WDPCP: variants seen among roughly 807,000 people sequenced by gnomAD.
The protein encoded by WDPCP is WD repeat containing planar cell polarity effector, also known as WD repeat-containing and planar cell polarity effector protein fritz homolog.
Under a neutral mutation model 93.1 loss-of-function variants are expected in WDPCP, and 71 were observed. That is an observed-to-expected ratio of 0.76 (90% CI 0.63 to 0.93). The LOEUF is 0.93. Among genes scored for constraint, WDPCP ranks in the 40% least tolerant of loss-of-function variants. The pLI, the probability that WDPCP is intolerant of heterozygous loss-of-function variation, is 0.00. For synonymous variants in WDPCP, 315 were observed against 315.0 expected (o/e 1.00, Z 0.00); for missense variants, 844 against 887.4 (o/e 0.95, Z 0.62).
chr2:63,138,332 AT>A (rs1222907345), intron 17 of WDPCP, among the ~76,000 whole-genome samples: 1 of 152,054 alleles, frequency 6.6e-6, no homozygotes, highest in Non-Finnish European at 1.5e-5. Flanking sequence ...TCAGCAGTGT[AT>A]ACCAGTGCCC....
chr2:63,782,774 G>C (rs1429596095), intron 2 of WDPCP, among the ~76,000 whole-genome samples: 1 of 147,426 alleles, frequency 6.8e-6, no homozygotes, highest in Admixed American at 6.8e-5. Flanking sequence ...GTGTGTGTGT[G>C]TGTTTGTGTG....
chr2:63,490,616 G>A (rs1428256827), intron 2 of WDPCP, among the ~76,000 whole-genome samples: 1 of 152,182 alleles, frequency 6.6e-6, no homozygotes, highest in African/African-American at 2.4e-5. Flanking sequence ...GGTAGGCCCT[G>A]CAAAAATGCA....
At chr2:63,628,038 G>C (rs1469484211) in intron 3 of WDPCP, among the ~76,000 whole-genome samples, 1 of 152,178 alleles carries the variant, frequency 6.6e-6, no homozygotes, top group Non-Finnish European at 1.5e-5. Flanking sequence ...TCCCCAGACT[G>C]GATCCTGCCG....
intron 3 of WDPCP, among the ~76,000 whole-genome samples, chr2:63,601,992 A>G (rs1042466885): frequency 1.3e-5 from 2 of 152,226 alleles, no homozygotes; most frequent in Admixed American, 6.5e-5. Flanking sequence ...ACTCTACCCT[A>G]TCCCACAGGC....
In WDPCP at chr2:63,433,801, A is replaced by G. The variant is rs762730482; in HGVS notation, c.769T>C (p.Ser257Pro). ...DDAWPWAPIS[S>P]EKDRANLLLL... ...AGTAGATTGGCTCTGTCCTTCTCAG[A>G]AGAAATGGGGGCCCAAGGCCAAGCA... Residue 257 changes from serine (S) to proline (P), a missense_variant, in exon 9 of 18, where the codon TCT becomes CCT. Coordinates refer to ENST00000272321, the MANE Select transcript of WDPCP (RefSeq NM_015910.7). The G allele has an allele frequency of 6.2e-7, 1 of 1,612,344 alleles. No individual in the cohort carries two copies. Among genetic ancestry groups the G allele is most frequent in the East Asian group, 2.2e-5 (1 of 44,884 alleles).
At chr2:63,702,873 C>G (rs1669080963) in intron 2 of WDPCP, among the ~76,000 whole-genome samples, 1 of 151,762 alleles carries the variant, frequency 6.6e-6, no homozygotes, top group South Asian at 2.1e-4. Flanking sequence ...CCTCCCCTCT[C>G]CCCCCACCCC....
At chr2:63,450,034 G>C (rs999675730) in intron 6 of WDPCP, among the ~76,000 whole-genome samples, 1 of 152,154 alleles carries the variant, frequency 6.6e-6, no homozygotes, top group Non-Finnish European at 1.5e-5. Context: ...CCAGGACAAA[G>C]GAAAGCAAAG....
At chr2:63,713,399 T>C (rs1358494947) in intron 2 of WDPCP, among the ~76,000 whole-genome samples, 3 of 152,214 alleles carry the variant, frequency 2.0e-5, no homozygotes, top group Admixed American at 6.5e-5. Flanking sequence ...CAACCTTTCA[T>C]TGGCACTGTA....
chr2:63,600,776 C>T (rs933445779), intron 3 of WDPCP, among the ~76,000 whole-genome samples: 2 of 151,956 alleles, frequency 1.3e-5, no homozygotes, highest in Admixed American at 6.6e-5. Context: ...TAGCTGAGAA[C>T]GAATAGGAGT....
At chr2:63,155,896 T>G (rs1350532986) in intron 15 of WDPCP, among the ~76,000 whole-genome samples, 1 of 152,270 alleles carries the variant, frequency 6.6e-6, no homozygotes, top group African/African-American at 2.4e-5. Flanking sequence ...GGGATTTTGA[T>G]CAGAATTTTA....
intron 13 of WDPCP, among the ~76,000 whole-genome samples, chr2:63,270,154 A>T (rs1682503278): frequency 6.6e-6 from 1 of 152,240 alleles, no homozygotes; most frequent in Non-Finnish European, 1.5e-5. Flanking sequence ...ACATTTATAT[A>T]AATGTTCCAC....
chr2:63,278,970 C>G (rs1302667488), intron 13 of WDPCP, among the ~76,000 whole-genome samples: 5 of 152,070 alleles, frequency 3.3e-5, no homozygotes, highest in African/African-American at 9.7e-5. Flanking sequence ...AGACCAATAA[C>G]AAGCAGTGAA....
intron 2 of WDPCP, among the ~76,000 whole-genome samples, chr2:63,802,281 T>TAAAA (rs58717654): frequency 0.021 from 1,113 of 54,286 alleles, 279 homozygotes; most frequent in Non-Finnish European, 0.027. Flanking sequence ...CCCTCTCTCT[T>TAAAA]AAAAAAAAAA....
intron 10 of WDPCP, among the ~76,000 whole-genome samples, chr2:63,396,829 A>G (rs1250096433): frequency 6.6e-6 from 1 of 152,022 alleles, no homozygotes; most frequent in African/African-American, 2.4e-5. Context: ...CTCCACCCTC[A>G]AGTAGACCCC....
intron 2 of WDPCP, among the ~76,000 whole-genome samples, chr2:63,677,395 T>C (rs866126973): frequency 4.6e-5 from 7 of 152,042 alleles, no homozygotes; most frequent in African/African-American, 1.4e-4. Context: ...ATCCAGATAC[T>C]GAAGTTATCA....
intron 6 of WDPCP, among the ~76,000 whole-genome samples, chr2:63,465,553 T>C (rs1046183112): frequency 2.6e-5 from 4 of 152,200 alleles, no homozygotes; most frequent in Non-Finnish European, 4.4e-5. Flanking sequence ...ATAGTTCCAT[T>C]TATTAAATAG....
chr2:63,349,776 A>T (rs1031974971), intron 12 of WDPCP, among the ~76,000 whole-genome samples: 1 of 152,232 alleles, frequency 6.6e-6, no homozygotes, highest in Non-Finnish European at 1.5e-5. Flanking sequence ...GGCTTATAAA[A>T]ACTAATTTAC....
intron 15 of WDPCP, among the ~76,000 whole-genome samples, chr2:63,172,281 G>A (rs183603526): frequency 2.0e-5 from 3 of 152,320 alleles, no homozygotes; most frequent in African/African-American, 4.8e-5. Flanking sequence ...CGAGGCAAAA[G>A]GATCACTTGA....
intron 8 of WDPCP, 69 bp downstream of exon 8, chr2:63,437,352 A>C: frequency 8.0e-7 from 1 of 1,254,028 alleles, no homozygotes; most frequent in Non-Finnish European, 1.1e-6. Context: ...TGAGCAGAAT[A>C]CCAACTTATG....
Sources: allele counts gnomAD v4.1 joint callset (sites outside exome capture counted in the v4.1 genomes callset), GRCh38; gene constraint gnomAD v4.1.1; transcripts MANE v1.5; gene names NCBI Gene and HGNC (gene_info 2026-07-23, HGNC 2026-07-21).